The following KIF4A variants were observed in gnomAD, a reference collection of about 807,000 sequenced individuals.
KIF4A encodes the protein kinesin family member 4A.
In KIF4A, 7 loss-of-function variants were observed where a neutral mutation model predicts 105.9. That is an observed-to-expected ratio of 0.07 (90% CI 0.04 to 0.12). The LOEUF is 0.12. Among genes scored for constraint, KIF4A ranks in the 10% least tolerant of loss-of-function variants. KIF4A has a pLI of 1.00. For missense variants in KIF4A, 558 were observed against 929.2 expected, an observed-to-expected ratio of 0.60 and a Z score of 5.19; for synonymous variants, 281 against 331.3, an observed-to-expected ratio of 0.85 and a Z score of 1.65.
intron 22 of KIF4A, 68 bp downstream of exon 22, chrX:70,396,117 C>G (rs1436687062): frequency 1.3e-6 from 1 of 787,799 alleles, no homozygotes. Context: ...ACCTATTAAT[C>G]TAGTGATTCA....
At chrX:70,352,718 C>CACTCA (rs2086036153) in intron 14 of KIF4A, 62 bp downstream of exon 14, 2 of 763,738 alleles carry the variant, frequency 2.6e-6, no homozygotes, top group African/African-American at 2.1e-5. Context: ...TATAATTTAT[C>CACTCA]ACTCAACTGA....
intron 22 of KIF4A, among the ~76,000 whole-genome samples, chrX:70,400,582 A>G (rs1442290244): frequency 9.0e-6 from 1 of 111,589 alleles, no homozygotes; most frequent in African/African-American, 3.3e-5. Flanking sequence ...CTTCATTTAC[A>G]TCAACTAGAA....
chrX:70,362,222 G>T, intron 15 of KIF4A: 2 of 342,439 alleles, frequency 5.8e-6, no homozygotes, highest in South Asian at 2.9e-5. Flanking sequence ...CTCTCTGGTT[G>T]ACCAAGGCCT....
chrX:70,370,366 G>C (rs1177960319), intron 15 of KIF4A, among the ~76,000 whole-genome samples: 1 of 109,007 alleles, frequency 9.2e-6, no homozygotes, highest in African/African-American at 3.3e-5. Context: ...AAGGAGACTT[G>C]ACCTTTACAA....
At chrX:70,364,456 T>C (rs867719290) in intron 15 of KIF4A, among the ~76,000 whole-genome samples, 69 of 108,894 alleles carry the variant, frequency 6.3e-4, no homozygotes, top group African/African-American at 2.0e-3. Context: ...GCTTTCTACA[T>C]ATGGCTAGCC....
At chrX:70,317,744 A>G (rs1374540850) in intron 7 of KIF4A, among the ~76,000 whole-genome samples, 11 of 109,536 alleles carry the variant, frequency 1.0e-4, no homozygotes, top group African/African-American at 3.0e-4. Context: ...GGATCTCCCT[A>G]TGTTGCCCAG....
rs1602822685 is a variant in KIF4A at position 70,419,647 on chromosome X, T to C, written c.3373-14T>C. 3 of 1,209,579 alleles carry C rather than the reference T, an allele frequency of 2.5e-6. No individual in the cohort carries two copies. The highest frequency in any genetic ancestry group is 2.2e-5 in the Admixed American group (1 of 45,870). ...CAGCCAAATTTATAATATGCCTGTC[T>C]GCTTGATTTTCAGGATAGCTTGGGC... On this transcript the variant is annotated splice_polypyrimidine_tract_variant and intron_variant, in intron 29 of 30. Coordinates refer to ENST00000374403, the MANE Select transcript of KIF4A (RefSeq NM_012310.5).
At chrX:70,306,849 T>C (rs2085829507) in intron 7 of KIF4A, among the ~76,000 whole-genome samples, 1 of 110,371 alleles carries the variant, frequency 9.1e-6, no homozygotes, top group Admixed American at 9.7e-5. Context: ...CCTCTTTTTT[T>C]TTTTTTTAGA....
chrX:70,371,391 G>A (rs1330369328), intron 15 of KIF4A, among the ~76,000 whole-genome samples: 1 of 110,886 alleles, frequency 9.0e-6, no homozygotes, highest in Non-Finnish European at 1.9e-5. Context: ...ACACAGACAC[G>A]GCAACCATCC....
At chrX:70,408,163 A>T (rs2086307968) in intron 28 of KIF4A, among the ~76,000 whole-genome samples, 1 of 111,533 alleles carries the variant, frequency 9.0e-6, no homozygotes, top group Admixed American at 9.6e-5. Flanking sequence ...CCAAGGTCGT[A>T]AAACTAAGTG....
intron 15 of KIF4A, among the ~76,000 whole-genome samples, chrX:70,367,749 G>T (rs1020622702): frequency 9.0e-6 from 1 of 111,018 alleles, no homozygotes; most frequent in Admixed American, 9.7e-5. Flanking sequence ...TTTTCTCGAG[G>T]AGTATCTTTG....
intron 7 of KIF4A, among the ~76,000 whole-genome samples, chrX:70,321,531 T>C (rs1246698410): frequency 9.0e-6 from 1 of 111,233 alleles, no homozygotes; most frequent in East Asian, 2.8e-4. Context: ...AGTTCTGTTG[T>C]TTCAGATCTC....
intron 7 of KIF4A, among the ~76,000 whole-genome samples, chrX:70,325,034 C>T (rs981559178): frequency 1.8e-5 from 2 of 111,705 alleles, no homozygotes; most frequent in African/African-American, 3.3e-5. Flanking sequence ...TTATAAAATC[C>T]GAAGTTGGTC....
At chrX:70,355,806 G>A (rs1187035702) in intron 15 of KIF4A, among the ~76,000 whole-genome samples, 1 of 111,449 alleles carries the variant, frequency 9.0e-6, no homozygotes, top group East Asian at 2.8e-4. Context: ...GGATGGGGCT[G>A]CAGGACCCTA....
chrX:70,356,783 C>T (rs1001688806), intron 15 of KIF4A, among the ~76,000 whole-genome samples: 4 of 111,558 alleles, frequency 3.6e-5, no homozygotes, highest in East Asian at 2.8e-4. Flanking sequence ...AAGACAAGAA[C>T]GTAGCTCTCT....
At position 70,372,784 on chromosome X, in the gene KIF4A, G is replaced by A. The variant is rs960503241; in HGVS notation, c.1675-1367G>A. On this transcript the variant is annotated intron_variant, in intron 15 of 30. Transcript: ENST00000374403. ...GAAAGTTCTGAATATAAGAATATTT[G>A]TGCAGCTCTTTACAGTTTACAAAAT... Among the ~76,000 whole-genome samples, 23 of 112,977 alleles carry A rather than the reference G, an allele frequency of 2.0e-4. No homozygotes were observed. In the Admixed American group the frequency reaches 2.1e-3, roughly 10 times the overall value.
intron 15 of KIF4A, among the ~76,000 whole-genome samples, chrX:70,354,704 G>C (rs1199430): frequency 0.13 from 13,982 of 111,620 alleles, 1,423 homozygotes; most frequent in African/African-American, 0.34. Context: ...CAGTGGACAA[G>C]AGAGGTGGAC....
rs189412326 is a variant in KIF4A at position 70,365,837 on chromosome X, C to T, written c.1675-8314C>T. On this transcript the variant is annotated intron_variant, in intron 15 of 30. Coordinates refer to ENST00000374403, the MANE Select transcript of KIF4A (RefSeq NM_012310.5). ...GCAGCGGTACCAGCTCCTCCTTCTA[C>T]CTCTGGTAGAATTCGGCTGTGAATC... Among the ~76,000 whole-genome samples, 14 of 111,766 alleles carry T rather than the reference C, an allele frequency of 1.3e-4. No individual in the cohort carries two copies. The East Asian group carries it at 3.7e-3, about 29-fold the overall frequency.
At chrX:70,418,867 G>A (rs1010806912) in intron 29 of KIF4A, among the ~76,000 whole-genome samples, 4 of 111,153 alleles carry the variant, frequency 3.6e-5, no homozygotes, top group African/African-American at 9.8e-5. Context: ...GGCGGATCAC[G>A]AGGTCAGGAG....
Sources: allele counts gnomAD v4.1 joint callset (sites outside exome capture counted in the v4.1 genomes callset), GRCh38; gene constraint gnomAD v4.1.1; transcripts MANE v1.5; gene names NCBI Gene and HGNC (gene_info 2026-07-23, HGNC 2026-07-21).